The following ZNF292 variants were observed in gnomAD, a reference collection of about 807,000 sequenced individuals.
The protein encoded by ZNF292 is zinc finger protein 292.
ZNF292 carries 26 observed loss-of-function variants against 217.9 expected under a neutral mutation model. The observed-to-expected ratio is 0.12, with a 90% confidence interval of 0.09 to 0.17. ZNF292 has a LOEUF of 0.17. ZNF292 is among the 10% of genes least tolerant of loss of function. The pLI is 1.00. For missense variants in ZNF292, 2,904 were observed against 3,175.2 expected (o/e 0.91, Z 2.05); for synonymous variants, 1,257 against 1,124.1 (o/e 1.12, Z -2.37).
At chr6:87,156,241 G>T (rs971475083) in intron 1 of ZNF292, among the ~76,000 whole-genome samples, 2 of 152,160 alleles carry the variant, frequency 1.3e-5, no homozygotes, top group African/African-American at 4.8e-5. Context: ...CCCAGCCCCG[G>T]CCCTGTCCTG....
At chr6:87,182,222 G>A (rs917584713) in intron 1 of ZNF292, among the ~76,000 whole-genome samples, 2 of 152,190 alleles carry the variant, frequency 1.3e-5, no homozygotes, top group South Asian at 2.1e-4. Flanking sequence ...CAAAGTCATC[G>A]ATCCCAAAAA....
intron 7 of ZNF292, among the ~76,000 whole-genome samples, chr6:87,246,886 G>T (rs1774616327): frequency 6.6e-6 from 1 of 151,282 alleles, no homozygotes; most frequent in Admixed American, 6.6e-5. Context: ...CGGACATGGT[G>T]GCTCACGCCT....
chr6:87,182,735 C>T (rs995705944), intron 1 of ZNF292, among the ~76,000 whole-genome samples: 6 of 152,260 alleles, frequency 3.9e-5, no homozygotes, highest in South Asian at 2.1e-4. Flanking sequence ...TCCATAGCAA[C>T]GTGTTAAATT....
chr6:87,186,400 T>C (rs1771653063), intron 1 of ZNF292, among the ~76,000 whole-genome samples: 1 of 152,220 alleles, frequency 6.6e-6, no homozygotes, highest in African/African-American at 2.4e-5. Flanking sequence ...TCCCTCTTAG[T>C]TCTCCAGTCC....
intron 4 of ZNF292, chr6:87,223,592 AT>A (rs1256515273): frequency 6.6e-6 from 1 of 152,120 alleles, no homozygotes; most frequent in African/African-American, 2.4e-5. Flanking sequence ...TACACAGGAG[AT>A]TTGTCTCCTC....
intron 1 of ZNF292, among the ~76,000 whole-genome samples, chr6:87,207,300 A>G (rs940071307): frequency 6.6e-6 from 1 of 152,218 alleles, no homozygotes; most frequent in African/African-American, 2.4e-5. Flanking sequence ...ATTTGCATCT[A>G]AAACTGTCCC....
rs1775252303 is a variant in ZNF292, at chr6:87,256,882, G to A, written c.3253G>A (p.Gly1085Arg). ...GCAGTCCGACCTAAGTAATTCATTAGGAACTCCATCAGTGCCTCCAAAAGC... is the reference window on the plus strand; with the variant it reads ...GCAGTCCGACCTAAGTAATTCATTAAGAACTCCATCAGTGCCTCCAAAAGC... ...PPQSDLSNSL[G>R]TPSVPPKAPV... The change falls in exon 8 of 8, where the codon GGA becomes AGA. Residue 1085 changes from glycine to arginine, a missense_variant. Around this residue, in one of 15 missense-constraint regions of ZNF292, gnomAD observed 687 missense variants for 623.0 expected, o/e 1.10. Coordinates refer to ENST00000369577, the MANE Select transcript of ZNF292 (RefSeq NM_015021.3). 4 of 1,613,842 alleles carry A rather than the reference G, an allele frequency of 2.5e-6. No homozygotes were observed. Among genetic ancestry groups the A allele is most frequent in the Non-Finnish European group, 2.5e-6 (3 of 1,179,812 alleles).
chr6:87,245,729 T>A, intron 7 of ZNF292, 85 bp downstream of exon 7: 1 of 873,940 alleles, frequency 1.1e-6, no homozygotes, highest in Non-Finnish European at 1.6e-6. Context: ...TTTGGCTCCC[T>A]TTTCAGTGAT....
chr6:87,175,032 C>T (rs578190104), intron 1 of ZNF292, among the ~76,000 whole-genome samples: 5 of 152,250 alleles, frequency 3.3e-5, no homozygotes, highest in South Asian at 2.1e-4. Context: ...TGTACTTGAT[C>T]CCCACCACTT....
At chr6:87,219,586 G>A (rs4707351) in intron 4 of ZNF292, among the ~76,000 whole-genome samples, 94,325 of 151,942 alleles carry the variant, frequency 0.62, 30,611 homozygotes, top group African/African-American at 0.81. Flanking sequence ...GTACTTTGAT[G>A]TTTACCCAAA....
chr6:87,257,129 T>C lies in ZNF292; in HGVS notation c.3500T>C (p.Phe1167Ser). The C allele has an allele frequency of 1.2e-6, 2 of 1,613,940 alleles. No individual in the cohort carries two copies. Among genetic ancestry groups the C allele is most frequent in the Non-Finnish European group, 1.7e-6 (2 of 1,179,864 alleles). Residue 1167 changes from phenylalanine to serine, a missense_variant, in exon 8 of 8, where the codon TTT becomes TCT. Phe to Ser is a radical substitution (Grantham distance 155). This residue lies in a region of ZNF292 where 687 missense variants were observed against 623.0 expected (regional missense o/e 1.10). Transcript: ENST00000369577. ...TCACCGGTGAACAGCTCAAATCCAT[T>C]TTTTACATCACAGACCAAAGCCAAT... is the stretch of plus-strand genomic sequence containing the variant. ...LPSPVNSSNP[F>S]FTSQTKANGN...
At chr6:87,225,286 A>C (rs940609819) in intron 4 of ZNF292, among the ~76,000 whole-genome samples, 5 of 152,074 alleles carry the variant, frequency 3.3e-5, no homozygotes, top group Non-Finnish European at 5.9e-5. Context: ...GTGTTTTGCA[A>C]ATCTTTTCTT....
At chr6:87,238,109 T>A (rs910000897) in intron 5 of ZNF292, among the ~76,000 whole-genome samples, 8 of 152,210 alleles carry the variant, frequency 5.3e-5, no homozygotes, top group Non-Finnish European at 1.0e-4. Flanking sequence ...GCTGTGTTAC[T>A]GAATGTAGCA....
At chr6:87,173,677 T>C (rs1771184744) in intron 1 of ZNF292, 1 of 152,342 alleles carries the variant, frequency 6.6e-6, no homozygotes, top group African/African-American at 2.4e-5. Context: ...CTTTTTCTTC[T>C]TTGGAAGTTT....
At chr6:87,238,494 A>G (rs1774010919) in intron 5 of ZNF292, among the ~76,000 whole-genome samples, 1 of 151,600 alleles carries the variant, frequency 6.6e-6, no homozygotes, top group Non-Finnish European at 1.5e-5. Context: ...TCAAAAAAAA[A>G]AAAAAAGTAA....
At chr6:87,184,765 T>C (rs1771588949) in intron 1 of ZNF292, among the ~76,000 whole-genome samples, 2 of 152,158 alleles carry the variant, frequency 1.3e-5, no homozygotes, top group African/African-American at 4.8e-5. Context: ...CCAAGGAAGC[T>C]GGTGGTGTAA....
At chr6:87,200,639 A>G (rs1237853476) in intron 1 of ZNF292, among the ~76,000 whole-genome samples, 1 of 152,174 alleles carries the variant, frequency 6.6e-6, no homozygotes, top group Non-Finnish European at 1.5e-5. Context: ...TATGGGCCAC[A>G]CCATGTCAGG....
intron 5 of ZNF292, among the ~76,000 whole-genome samples, chr6:87,237,447 G>T (rs1453074179): frequency 6.6e-6 from 1 of 152,158 alleles, no homozygotes; most frequent in Non-Finnish European, 1.5e-5. Flanking sequence ...TCACTGTGTT[G>T]CTCAGGCTGG....
At chr6:87,212,564 A>G (rs928823404) in intron 1 of ZNF292, among the ~76,000 whole-genome samples, 4 of 152,228 alleles carry the variant, frequency 2.6e-5, no homozygotes, top group Admixed American at 2.0e-4. Flanking sequence ...CTTTGTGCTA[A>G]GAACCTAGGA....
Sources: gnomAD v4.1 joint callset for allele counts (sites outside exome capture counted in the v4.1 genomes callset) on GRCh38, gnomAD v4.1.1 for gene constraint, gnomAD v4.1.1 regional missense constraint, MANE v1.5 for transcripts, NCBI Gene and HGNC (gene_info 2026-07-23, HGNC 2026-07-21) for gene names.